Variants in ELF1 observed in about 807,000 individuals in gnomAD.
ELF1 encodes ETS-related transcription factor Elf-1.
In ELF1, 24 loss-of-function variants were observed where a neutral mutation model predicts 59.9. The observed-to-expected ratio is 0.40, with a 90% CI of 0.29 to 0.56. The LOEUF is 0.56. Ranked by LOEUF, ELF1 falls within the 20% of genes least tolerant of loss-of-function variation. ELF1 has a pLI of 0.44. For synonymous variants in ELF1, 248 were observed against 266.2 expected (o/e 0.93, Z 0.67); for missense variants, 627 against 742.2 (o/e 0.84, Z 1.80).
chr13:41,035,975 G>A (rs1461106749), intron 1 of ELF1, among the ~76,000 whole-genome samples: 1 of 151,466 alleles, frequency 6.6e-6, no homozygotes, highest in Non-Finnish European at 1.5e-5. Flanking sequence ...CGCAATCTCG[G>A]CTCACTGCAA....
chr13:41,057,673 C>G (rs1202446132), intron 1 of ELF1, among the ~76,000 whole-genome samples: 1 of 152,140 alleles, frequency 6.6e-6, no homozygotes, highest in Non-Finnish European at 1.5e-5. Flanking sequence ...CACCCTGCCT[C>G]TTTCATGTAT....
chr13:41,025,027 C>T (rs1041965789), intron 1 of ELF1, among the ~76,000 whole-genome samples: 1 of 151,720 alleles, frequency 6.6e-6, no homozygotes, highest in African/African-American at 2.4e-5. Context: ...ACTTATGGCC[C>T]AAAAAACAAA....
chr13:41,030,049 C>A (rs1300914488), intron 1 of ELF1, among the ~76,000 whole-genome samples: 2 of 151,292 alleles, frequency 1.3e-5, no homozygotes, highest in African/African-American at 4.9e-5. Context: ...GGAATAATTA[C>A]CATATATATA....
In ELF1 at chr13:40,958,137, GA is replaced by G. The variant is rs573508629; in HGVS notation, c.253+698del. Among the ~76,000 whole-genome samples the G allele has an allele frequency of 1.9e-4, 29 of 152,294 alleles. No homozygotes were observed. In the East Asian group the frequency reaches 5.6e-3, roughly 29 times the overall value. On this transcript the variant is annotated intron_variant, in intron 3 of 8. Coordinates refer to ENST00000239882, the MANE Select transcript of ELF1 (RefSeq NM_172373.4). ...ATATGACTGTAAATGAACAAAAAGAGAAAGCATGTACCAATTTCTAAGTGAT... is the reference window on the plus strand; with the variant it reads ...ATATGACTGTAAATGAACAAAAAGAGAAGCATGTACCAATTTCTAAGTGAT...
intron 1 of ELF1, among the ~76,000 whole-genome samples, chr13:41,031,070 G>A (rs1010626810): frequency 1.3e-5 from 2 of 151,776 alleles, no homozygotes; most frequent in African/African-American, 4.8e-5. Context: ...GGCTAAGGTG[G>A]GAGGATTGAA....
At chr13:41,049,886 A>G (rs999308515) in intron 1 of ELF1, among the ~76,000 whole-genome samples, 4 of 152,218 alleles carry the variant, frequency 2.6e-5, no homozygotes, top group Admixed American at 1.3e-4. Context: ...AGCTTTTATC[A>G]TTGTTTTATC....
intron 2 of ELF1, among the ~76,000 whole-genome samples, chr13:40,975,468 T>C (rs2138249335): frequency 6.6e-6 from 1 of 152,316 alleles, no homozygotes; most frequent in South Asian, 2.1e-4. Flanking sequence ...ATTTAATAAA[T>C]GTGAACAACT....
chr13:40,956,480 TCACTTATCTG>T (rs1450428269), intron 3 of ELF1, among the ~76,000 whole-genome samples: 12 of 150,846 alleles, frequency 8.0e-5, no homozygotes, highest in East Asian at 2.0e-4. Context: ...AGACCTTTGT[TCACTTATCTG>T]CACTTATCTG....
intron 1 of ELF1, among the ~76,000 whole-genome samples, chr13:41,036,392 C>CT (rs1876382099): frequency 6.6e-6 from 1 of 152,180 alleles, no homozygotes; most frequent in Admixed American, 6.5e-5. Flanking sequence ...AACGTTTTGG[C>CT]TATAGCTAAA....
intron 1 of ELF1, among the ~76,000 whole-genome samples, chr13:41,048,612 G>A (rs138800086): frequency 7.2e-5 from 11 of 152,084 alleles, no homozygotes; most frequent in African/African-American, 1.9e-4. Flanking sequence ...CAGGATACCA[G>A]TATGTTACCC....
chr13:41,022,577 G>A (rs1875728424), upstream of ELF1, among the ~76,000 whole-genome samples: 1 of 152,128 alleles, frequency 6.6e-6, no homozygotes. Flanking sequence ...CAATAAAACT[G>A]ATTTTAACAA....
chr13:41,016,959 T>A lies in ELF1; in HGVS notation c.-229+2269A>T, dbSNP rs530891121. On this transcript the variant is annotated intron_variant, in intron 1 of 8. Coordinates refer to ENST00000239882, the MANE Select transcript of ELF1 (RefSeq NM_172373.4). ...AAAAAAAAAAAAAAATATATATATATATATATATATATATATATATATGAG... is the reference window on the plus strand; with the variant it reads ...AAAAAAAAAAAAAAATATATATATAAATATATATATATATATATATATGAG... Among the ~76,000 whole-genome samples the A allele has an allele frequency of 4.0e-3, 415 of 104,170 alleles. 19 individuals are homozygous for A. Among genetic ancestry groups the A allele is most frequent in the African/African-American group, 0.013 (344 of 25,728 alleles). 68.3% of individuals were successfully genotyped at this position (104,170 alleles called of 152,430 possible).
intron 1 of ELF1, among the ~76,000 whole-genome samples, chr13:41,029,795 G>A (rs923061721): frequency 6.6e-6 from 1 of 152,160 alleles, no homozygotes; most frequent in Non-Finnish European, 1.5e-5. Flanking sequence ...TCTCTTTCTT[G>A]GAGCTGGGGC....
intron 1 of ELF1, among the ~76,000 whole-genome samples, chr13:41,046,690 C>T (rs941154723): frequency 3.9e-5 from 6 of 152,242 alleles, no homozygotes; most frequent in African/African-American, 9.6e-5. Flanking sequence ...GTGGGTAACC[C>T]GACCTTTTTC....
intron 1 of ELF1, among the ~76,000 whole-genome samples, chr13:41,053,400 T>G (rs1057222571): frequency 2.0e-5 from 3 of 152,246 alleles, no homozygotes; most frequent in South Asian, 2.1e-4. Flanking sequence ...TGACCATTAG[T>G]ACATTACCAA....
At chr13:41,060,930 GCCGCCGCCGCCGCC>G (rs1877566995) in exon 1 of ELF1, 1 of 366,666 alleles carries the variant, frequency 2.7e-6, no homozygotes, top group Non-Finnish European at 5.5e-6. Context: ...CGCCGCCGCC[GCCGCCGCCGCCGCC>G]GCTGCTGCTG....
chr13:41,000,290 T>C (rs1236449132), intron 1 of ELF1, among the ~76,000 whole-genome samples: 1 of 125,548 alleles, frequency 8.0e-6, no homozygotes, highest in East Asian at 2.7e-4. Context: ...TCACTCTGTT[T>C]GGCAGGCTAA....
At chr13:40,997,744 C>T (rs1874201597) in intron 1 of ELF1, among the ~76,000 whole-genome samples, 2 of 152,154 alleles carry the variant, frequency 1.3e-5, no homozygotes, top group Admixed American at 6.6e-5. Flanking sequence ...GCTTGGATAT[C>T]ATCAAAGAGT....
At chr13:41,018,825 A>AAC (rs1566191158) in intron 1 of ELF1, among the ~76,000 whole-genome samples, 1 of 152,230 alleles carries the variant, frequency 6.6e-6, no homozygotes, top group Non-Finnish European at 1.5e-5. Flanking sequence ...CTGGATATTT[A>AAC]ACATCTATAT....
Sources: allele counts gnomAD v4.1 joint callset (sites outside exome capture counted in the v4.1 genomes callset), GRCh38; gene constraint gnomAD v4.1.1; transcripts MANE v1.5; gene names NCBI Gene and HGNC (gene_info 2026-07-23, HGNC 2026-07-21).